The following SDK1 variants were observed in gnomAD, a reference collection of about 807,000 sequenced individuals.
SDK1 encodes sidekick cell adhesion molecule 1, also known as protein sidekick-1.
Under a neutral mutation model 245.5 loss-of-function variants are expected in SDK1, and 157 were observed. The observed-to-expected ratio is 0.64, with a 90% CI of 0.56 to 0.73. The LOEUF is 0.73. Among genes scored for constraint, SDK1 ranks in the 30% least tolerant of loss-of-function variants. SDK1 has a pLI of 0.00. For missense variants in SDK1, 3,583 were observed against 3,002.3 expected (o/e 1.19, Z -4.52); for synonymous variants, 1,647 against 1,278.5 (o/e 1.29, Z -6.15).
At chr7:3,318,239 C>G (rs1340047673) in intron 1 of SDK1, among the ~76,000 whole-genome samples, 1 of 152,124 alleles carries the variant, frequency 6.6e-6, no homozygotes, top group Non-Finnish European at 1.5e-5. Context: ...AGAAAATAAG[C>G]TTTAAAGCCG....
intron 1 of SDK1, among the ~76,000 whole-genome samples, chr7:3,504,268 T>C (rs10215198): frequency 0.21 from 30,492 of 148,350 alleles, 3,413 homozygotes; most frequent in South Asian, 0.37. Flanking sequence ...TTGTTGTCGT[T>C]GTTGTTGTTG....
intron 44 of SDK1, among the ~76,000 whole-genome samples, chr7:4,264,890 G>A (rs907821709): frequency 6.6e-6 from 1 of 152,080 alleles, no homozygotes; most frequent in African/African-American, 2.4e-5. Context: ...GGGGCTGGAT[G>A]CAGCTGAGAA....
chr7:3,512,921 G>C (rs144451830), intron 1 of SDK1, among the ~76,000 whole-genome samples: 2 of 151,918 alleles, frequency 1.3e-5, no homozygotes, highest in Non-Finnish European at 2.9e-5. Context: ...CCTATTCTTA[G>C]AAATTTTGGT....
At chr7:3,936,364 A>T (rs1780158958) in intron 5 of SDK1, among the ~76,000 whole-genome samples, 1 of 152,022 alleles carries the variant, frequency 6.6e-6, no homozygotes, top group South Asian at 2.1e-4. Flanking sequence ...GGCGGATCAC[A>T]AGGTCAGGAG....
chr7:4,009,749 G>C (rs377385245), intron 14 of SDK1, among the ~76,000 whole-genome samples: 2 of 152,266 alleles, frequency 1.3e-5, no homozygotes, highest in South Asian at 4.1e-4. Flanking sequence ...CCAGTGAGCA[G>C]ATTCTGAATT....
At position 4,079,578 on chromosome 7, in the gene SDK1, G is replaced by C; in HGVS notation, c.3318G>C (p.Glu1106Asp). 6.2e-7 allele frequency: 1 copy of C among 1,614,232 alleles called. No individual in the cohort carries two copies. Among genetic ancestry groups the C allele is most frequent in the Non-Finnish European group, 8.5e-7 (1 of 1,180,030 alleles). Residue 1106 changes from glutamate to aspartate, a missense_variant, in exon 22 of 45, where the codon GAG becomes GAC. Glu to Asp is a conservative substitution (Grantham distance 45). Transcript: ENST00000404826. Reference sequence around the variant, plus strand: ...CGTCCATCTCCAGGTGGATTGTTGAGGGGCAGGTACGTGTGTCGTTAGACT... The same window carrying C: ...CGTCCATCTCCAGGTGGATTGTTGACGGGCAGGTACGTGTGTCGTTAGACT... ...GKTSISRWIVEGQVGAIGDEE... is the reference protein window; with the variant it reads ...GKTSISRWIVDGQVGAIGDEE...
intron 4 of SDK1, among the ~76,000 whole-genome samples, chr7:3,703,791 C>T (rs573291156): frequency 2.6e-5 from 4 of 152,234 alleles, no homozygotes; most frequent in South Asian, 2.1e-4. Context: ...AAATATCTGT[C>T]GTTGGCTTCC....
chr7:4,196,618 G>A (rs191810085), intron 35 of SDK1, among the ~76,000 whole-genome samples: 30 of 152,204 alleles, frequency 2.0e-4, no homozygotes, highest in Non-Finnish European at 3.8e-4. Context: ...CCTAGGCCCA[G>A]GCACTGCCCG....
chr7:3,665,134 T>C (rs1783487134), intron 4 of SDK1, among the ~76,000 whole-genome samples: 1 of 152,210 alleles, frequency 6.6e-6, no homozygotes, highest in Admixed American at 6.5e-5. Flanking sequence ...ACCTCGTAGA[T>C]GGGCCCTTCC....
chr7:3,744,380 A>G (rs1583365889), intron 4 of SDK1, among the ~76,000 whole-genome samples: 3 of 152,310 alleles, frequency 2.0e-5, no homozygotes, highest in Admixed American at 2.0e-4. Context: ...TTATAATATA[A>G]GCATCATTTT....
intron 5 of SDK1, among the ~76,000 whole-genome samples, chr7:3,825,176 G>C (rs1779739456): frequency 6.6e-6 from 1 of 152,158 alleles, no homozygotes; most frequent in South Asian, 2.1e-4. Flanking sequence ...GAGTAGATGT[G>C]TCTTCCGAGG....
chr7:4,156,896 G>A (rs1322126120), intron 30 of SDK1, among the ~76,000 whole-genome samples: 5 of 152,102 alleles, frequency 3.3e-5, no homozygotes, highest in South Asian at 2.1e-4. Flanking sequence ...TGAGGGCTTC[G>A]GTTTAGAGTG....
At chr7:3,554,282 G>C (rs1779514964) in intron 1 of SDK1, among the ~76,000 whole-genome samples, 1 of 152,072 alleles carries the variant, frequency 6.6e-6, no homozygotes, top group South Asian at 2.1e-4. Context: ...TTAGAAATCA[G>C]TAACAGAAAG....
intron 42 of SDK1, among the ~76,000 whole-genome samples, chr7:4,240,500 C>T (rs1786451317): frequency 6.6e-6 from 1 of 152,076 alleles, no homozygotes; most frequent in African/African-American, 2.4e-5. Context: ...CAGGCAAGCC[C>T]ATCTTTCATT....
At chr7:3,555,048 A>G (rs1779544907) in intron 1 of SDK1, among the ~76,000 whole-genome samples, 1 of 152,190 alleles carries the variant, frequency 6.6e-6, no homozygotes. Flanking sequence ...CTATCAAAAT[A>G]CCCATGAATT....
chr7:4,113,176 A>G (rs1783458641), intron 23 of SDK1, 113 bp from the exon 24 acceptor site: 1 of 1,100,484 alleles, frequency 9.1e-7, no homozygotes, highest in Non-Finnish European at 1.3e-6. Flanking sequence ...TTATGATATG[A>G]GTAGACACCT....
chr7:3,544,709 A>G (rs1029017498), intron 1 of SDK1, among the ~76,000 whole-genome samples: 2 of 152,210 alleles, frequency 1.3e-5, no homozygotes, highest in Non-Finnish European at 2.9e-5. Flanking sequence ...ATGCTACAGC[A>G]CTTACCAACC....
intron 5 of SDK1, among the ~76,000 whole-genome samples, chr7:3,885,022 C>T (rs1162190943): frequency 6.6e-6 from 1 of 152,084 alleles, no homozygotes; most frequent in African/African-American, 2.4e-5. Flanking sequence ...CCTAGTGTGT[C>T]TCCCCCGACC....
intron 4 of SDK1, among the ~76,000 whole-genome samples, chr7:3,776,047 T>C (rs1032960214): frequency 1.3e-4 from 20 of 152,240 alleles, no homozygotes; most frequent in African/African-American, 4.6e-4. Context: ...TCCACAGGAT[T>C]CTTCATTCAT....
Sources: allele counts gnomAD v4.1 joint callset (sites outside exome capture counted in the v4.1 genomes callset), GRCh38; gene constraint gnomAD v4.1.1; transcripts MANE v1.5; gene names NCBI Gene and HGNC (gene_info 2026-07-23, HGNC 2026-07-21).